Variants in TAS2R1 observed in about 807,000 individuals in gnomAD.
TAS2R1 encodes taste receptor type 2 member 1.
For missense variants in TAS2R1, 370 were observed against 353.4 expected (o/e 1.05, Z -0.38); for synonymous variants, 141 against 134.2 (o/e 1.05, Z -0.35).
chr5:9,786,714 A>G, the TAS2R1 span, among the ~76,000 whole-genome samples: 2 of 152,252 alleles, frequency 1.3e-5, no homozygotes, highest in Admixed American at 1.3e-4. Flanking sequence ...TTGAGGGGAA[A>G]GCATTAAAAT....
the TAS2R1 span, among the ~76,000 whole-genome samples, chr5:9,753,322 T>C: frequency 2.0e-5 from 3 of 152,388 alleles, no homozygotes; most frequent in East Asian, 5.8e-4. Flanking sequence ...TTTTTTCATG[T>C]GTCTTTTGGC....
At chr5:9,789,885 C>T in the TAS2R1 span, among the ~76,000 whole-genome samples, 2 of 152,218 alleles carry the variant, frequency 1.3e-5, no homozygotes, top group South Asian at 2.1e-4. Flanking sequence ...GGTTCTGCTT[C>T]GTAAGTCCTG....
chr5:9,878,770 T>G, the TAS2R1 span, among the ~76,000 whole-genome samples: 3 of 152,158 alleles, frequency 2.0e-5, no homozygotes, highest in African/African-American at 7.2e-5. Flanking sequence ...TACACAAGAA[T>G]AAAATTGTAC....
the TAS2R1 span, among the ~76,000 whole-genome samples, chr5:9,721,451 A>G: frequency 6.6e-6 from 1 of 152,224 alleles, no homozygotes; most frequent in Non-Finnish European, 1.5e-5. Context: ...AGCATTATAT[A>G]AGAGTGAAAC....
upstream of TAS2R1, among the ~76,000 whole-genome samples, chr5:9,634,510 G>T (rs1739931431): frequency 1.3e-5 from 2 of 151,996 alleles, no homozygotes; most frequent in African/African-American, 4.8e-5. Flanking sequence ...GATGGGAATT[G>T]CATTGAATTT....
intron 2 of TAS2R1, among the ~76,000 whole-genome samples, chr5:9,638,100 T>C (rs191291779): frequency 1.0e-3 from 152 of 152,324 alleles, no homozygotes; most frequent in African/African-American, 3.5e-3. Context: ...AAGATTCTCT[T>C]GTCCCATGGG....
At chr5:9,817,817 C>T in the TAS2R1 span, among the ~76,000 whole-genome samples, 37 of 147,218 alleles carry the variant, frequency 2.5e-4, no homozygotes, top group Admixed American at 7.0e-4. Flanking sequence ...CTTACAATCA[C>T]GGTAGAAGGT....
chr5:9,782,447 C>A, the TAS2R1 span, among the ~76,000 whole-genome samples: 1 of 134,504 alleles, frequency 7.4e-6, no homozygotes, highest in South Asian at 2.7e-4. Context: ...GGGTGGGCAT[C>A]CTGATGGGTG....
the TAS2R1 span, among the ~76,000 whole-genome samples, chr5:9,797,488 G>C: frequency 6.6e-6 from 1 of 152,142 alleles, no homozygotes; most frequent in African/African-American, 2.4e-5. Flanking sequence ...GTTTTAGCAG[G>C]AGACAGAAGA....
the TAS2R1 span, among the ~76,000 whole-genome samples, chr5:9,763,749 C>A: frequency 6.6e-6 from 1 of 152,118 alleles, no homozygotes. Context: ...CAGCATCCAA[C>A]CAAGAATTAG....
the TAS2R1 span, among the ~76,000 whole-genome samples, chr5:9,778,179 G>A: frequency 3.9e-5 from 6 of 152,184 alleles, no homozygotes; most frequent in Non-Finnish European, 5.9e-5. Context: ...CACGCCCGGC[G>A]GGAGGCCAGG....
chr5:9,875,621 G>A, the TAS2R1 span, among the ~76,000 whole-genome samples: 1 of 152,144 alleles, frequency 6.6e-6, no homozygotes, highest in Admixed American at 6.5e-5. Flanking sequence ...GTGCACTACT[G>A]GCCAGCATTG....
chr5:9,701,179 T>A (rs1254496295), intron 1 of TAS2R1, among the ~76,000 whole-genome samples: 1 of 150,034 alleles, frequency 6.7e-6, no homozygotes, highest in Admixed American at 6.7e-5. Flanking sequence ...GGATTCAAGC[T>A]GAACAAGATT....
the TAS2R1 span, among the ~76,000 whole-genome samples, chr5:9,866,030 A>G: frequency 5.9e-5 from 9 of 152,214 alleles, no homozygotes; most frequent in East Asian, 1.5e-3. Flanking sequence ...CTGAAATTCA[A>G]TCTTTTCATT....
the TAS2R1 span, among the ~76,000 whole-genome samples, chr5:9,749,665 C>T: frequency 4.6e-5 from 7 of 152,196 alleles, no homozygotes; most frequent in African/African-American, 1.4e-4. Flanking sequence ...ATTACCTGTG[C>T]ACACAAACAA....
chr5:9,756,499 C>T, the TAS2R1 span, among the ~76,000 whole-genome samples: 3 of 152,184 alleles, frequency 2.0e-5, no homozygotes, highest in Non-Finnish European at 4.4e-5. Context: ...CCTCTACAAA[C>T]TCAAGAGGAG....
upstream of TAS2R1, among the ~76,000 whole-genome samples, chr5:9,635,182 T>C (rs1739941192): frequency 6.6e-6 from 1 of 152,150 alleles, no homozygotes; most frequent in Non-Finnish European, 1.5e-5. Flanking sequence ...TCAAATGTTT[T>C]TCCTGCATCT....
At chr5:9,895,986 C>T in the TAS2R1 span, among the ~76,000 whole-genome samples, 13 of 152,150 alleles carry the variant, frequency 8.5e-5, no homozygotes, top group Non-Finnish European at 1.8e-4. Context: ...AAAATAGTGG[C>T]CTCTAAAATT....
the TAS2R1 span, among the ~76,000 whole-genome samples, chr5:9,840,757 G>A: frequency 6.6e-6 from 1 of 151,220 alleles, no homozygotes; most frequent in East Asian, 1.9e-4. Context: ...TTTTAGTGAA[G>A]GTGTGCTAGT....
Sources: gnomAD v4.1 joint callset for allele counts (sites outside exome capture counted in the v4.1 genomes callset) on GRCh38, gnomAD v4.1.1 for gene constraint, MANE v1.5 for transcripts, NCBI Gene and HGNC (gene_info 2026-07-23, HGNC 2026-07-21) for gene names.